CEP170: variants seen among roughly 807,000 people sequenced by gnomAD.
The protein encoded by CEP170 is centrosomal protein 170, also known as centrosomal protein of 170 kDa.
In CEP170, 21 loss-of-function variants were observed where a neutral mutation model predicts 151.9. The observed-to-expected ratio is 0.14, with a 90% confidence interval of 0.10 to 0.20. The LOEUF (loss-of-function observed/expected upper bound fraction) is 0.20. Ranked by LOEUF, CEP170 falls within the 10% of genes least tolerant of loss-of-function variation. The pLI is 1.00. For synonymous variants in CEP170, 356 were observed against 648.8 expected, an observed-to-expected ratio of 0.55 and a Z score of 6.86; for missense variants, 964 against 1,892.9, an observed-to-expected ratio of 0.51 and a Z score of 9.11.
At chr1:243,176,922 C>T (rs1368103237) in intron 10 of CEP170, 3 of 348,928 alleles carry the variant, frequency 8.6e-6, no homozygotes, top group Non-Finnish European at 1.7e-5. Flanking sequence ...TAAACATTCT[C>T]CAGATAACAA....
chr1:243,139,495 T>A, intron 16 of CEP170, among the ~76,000 whole-genome samples: 1 of 151,552 alleles, frequency 6.6e-6, no homozygotes, highest in South Asian at 2.1e-4. Flanking sequence ...TTGTAACTTG[T>A]ATTTCTACCT....
intron 13 of CEP170, among the ~76,000 whole-genome samples, chr1:243,162,094 T>C (rs2058111066): frequency 6.6e-6 from 1 of 152,184 alleles, no homozygotes; most frequent in Non-Finnish European, 1.5e-5. Context: ...TAAGGTGGAA[T>C]AGAGAATATA....
chr1:243,243,627 G>A (rs2065076758), intron 1 of CEP170, among the ~76,000 whole-genome samples: 2 of 151,948 alleles, frequency 1.3e-5, no homozygotes, highest in South Asian at 4.2e-4. Flanking sequence ...AGGTTCAAGT[G>A]ATTCTCCTGC....
At chr1:243,250,148 A>G (rs1318208821) in intron 1 of CEP170, among the ~76,000 whole-genome samples, 1 of 152,216 alleles carries the variant, frequency 6.6e-6, no homozygotes, top group East Asian at 1.9e-4. Flanking sequence ...GGTTTTCATT[A>G]TTTTTGTGTC....
At chr1:243,146,497 A>C (rs1395970282) in intron 14 of CEP170, among the ~76,000 whole-genome samples, 1 of 152,202 alleles carries the variant, frequency 6.6e-6, no homozygotes, top group Non-Finnish European at 1.5e-5. Context: ...AAAATTCATA[A>C]GCATGTGGCT....
chr1:243,185,918 T>C lies in CEP170; in HGVS notation c.1427A>G (p.Asp476Gly). The C allele has an allele frequency of 1.2e-6, 2 of 1,613,814 alleles. No individual in the cohort carries two copies. The highest frequency in any genetic ancestry group is 1.7e-6 in the Non-Finnish European group (2 of 1,179,712). The change falls in exon 10 of 20, where the codon GAT (aspartate) becomes GGT (glycine). Residue 476 changes from aspartate to glycine, a missense_variant. Transcript: ENST00000366542. The surrounding 1 kb of genome is among the most constrained non-coding windows in gnomAD (Gnocchi z 4.9). The stretch of plus-strand genomic sequence containing the variant: ...AGTTGCTTGATTTTTTAACATTTTA[T>C]CCATCTCCTGGCTTGGTCTGTGCCC... ...SLGHRPSQEM[D>G]KMLKNQATSA...
At chr1:243,160,531 A>G (rs1253112338) in intron 13 of CEP170, among the ~76,000 whole-genome samples, 1 of 152,226 alleles carries the variant, frequency 6.6e-6, no homozygotes, top group African/African-American at 2.4e-5. Flanking sequence ...AAGGAAAAAA[A>G]GAGTTGTTAG....
intron 7 of CEP170, among the ~76,000 whole-genome samples, chr1:243,192,570 T>C (rs1023843701): frequency 8.5e-5 from 13 of 152,184 alleles, no homozygotes; most frequent in Non-Finnish European, 1.8e-4. Context: ...ATTCTGCTTT[T>C]AAACAGATTA....
At chr1:243,229,427 A>G (rs919404827) in intron 1 of CEP170, among the ~76,000 whole-genome samples, 1 of 151,974 alleles carries the variant, frequency 6.6e-6, no homozygotes, top group South Asian at 2.1e-4. Context: ...GTAAGGAGGG[A>G]AAAAAAAGGC....
intron 14 of CEP170, among the ~76,000 whole-genome samples, chr1:243,148,797 A>G (rs1165480553): frequency 6.6e-6 from 1 of 152,174 alleles, no homozygotes; most frequent in Non-Finnish European, 1.5e-5. Flanking sequence ...CTCTTCCATC[A>G]GTGGAAACTG....
chr1:243,138,856 T>G (rs1243600350), intron 16 of CEP170, among the ~76,000 whole-genome samples: 2 of 152,334 alleles, frequency 1.3e-5, no homozygotes, highest in Middle Eastern at 3.4e-3. Flanking sequence ...TCATGTGATG[T>G]CTTTATTTTC....
chr1:243,226,157 ATC>A (rs1558646165), intron 1 of CEP170, among the ~76,000 whole-genome samples: 1 of 132,172 alleles, frequency 7.6e-6, no homozygotes, highest in Admixed American at 7.7e-5. Context: ...GTACATGTCT[ATC>A]TCTCTATAGA....
chr1:243,155,981 G>C (rs191518562), intron 14 of CEP170, among the ~76,000 whole-genome samples: 1 of 151,930 alleles, frequency 6.6e-6, no homozygotes, highest in Admixed American at 6.6e-5. Context: ...AAAAAGGGAG[G>C]GGGGGAGACA....
intron 1 of CEP170, among the ~76,000 whole-genome samples, chr1:243,245,663 G>A (rs552977093): frequency 5.3e-4 from 80 of 151,752 alleles, no homozygotes; most frequent in Non-Finnish European, 8.7e-4. Context: ...GCAGTGAGCC[G>A]AGATCTCGCC....
intron 19 of CEP170, among the ~76,000 whole-genome samples, chr1:243,127,541 T>C (rs1016620385): frequency 1.3e-5 from 2 of 152,218 alleles, no homozygotes; most frequent in Non-Finnish European, 2.9e-5. Flanking sequence ...CAAGCCACTT[T>C]TACTCATGGG....
At chr1:243,168,673 CCTGT>C (rs1249803995) in intron 12 of CEP170, among the ~76,000 whole-genome samples, 4 of 151,804 alleles carry the variant, frequency 2.6e-5, no homozygotes, top group Admixed American at 2.0e-4. Flanking sequence ...GCTTCTTCCA[CCTGT>C]CTAAGTGAGA....
chr1:243,228,606 A>G (rs935742867), intron 1 of CEP170, among the ~76,000 whole-genome samples: 2 of 152,244 alleles, frequency 1.3e-5, no homozygotes, highest in African/African-American at 4.8e-5. Context: ...GTCAACAGTT[A>G]CACGTTTACT....
chr1:243,221,883 G>T (rs989980419), intron 2 of CEP170, 70 bp from the exon 3 acceptor site: 1 of 1,366,640 alleles, frequency 7.3e-7, no homozygotes. Flanking sequence ...ATTTTGGCTA[G>T]ATACCTAATA....
intron 11 of CEP170, among the ~76,000 whole-genome samples, chr1:243,170,540 TC>T (rs1290577909): frequency 3.3e-5 from 5 of 152,062 alleles, no homozygotes; most frequent in Non-Finnish European, 1.5e-5. Context: ...ACGCCTGTAA[TC>T]CCAGCATTTT....
Sources: allele counts gnomAD v4.1 joint callset (sites outside exome capture counted in the v4.1 genomes callset), GRCh38; gene constraint gnomAD v4.1.1; non-coding constraint Gnocchi (gnomAD v3.1); transcripts MANE v1.5; gene names NCBI Gene and HGNC (gene_info 2026-07-23, HGNC 2026-07-21).